The following SVOP variants were observed in gnomAD, a reference collection of about 807,000 sequenced individuals.
SVOP encodes synaptic vesicle 2-related protein.
SVOP carries 17 observed loss-of-function variants against 69.1 expected under a neutral mutation model. The ratio of observed to expected loss-of-function variants is 0.25; its 90% CI spans 0.17 to 0.37. The LOEUF is 0.37. Ranked by LOEUF, SVOP falls within the 10% of genes least tolerant of loss-of-function variation. The pLI is 1.00. For missense variants in SVOP, 435 were observed against 597.5 expected (o/e 0.73, Z 2.84); for synonymous variants, 238 against 238.6 (o/e 1.00, Z 0.02).
intron 6 of SVOP, among the ~76,000 whole-genome samples, chr12:108,955,284 C>T (rs1246399273): frequency 6.6e-6 from 1 of 152,188 alleles, no homozygotes; most frequent in Non-Finnish European, 1.5e-5. Flanking sequence ...TTCCTTCCAG[C>T]CACGAGGGGA....
chr12:108,968,114 T>C (rs1254059092), intron 5 of SVOP, among the ~76,000 whole-genome samples: 1 of 152,176 alleles, frequency 6.6e-6, no homozygotes, highest in East Asian at 1.9e-4. Context: ...CTGGAGAGGA[T>C]AAGGCAGTTG....
chr12:108,938,606 AT>A (rs2137404600), intron 9 of SVOP, among the ~76,000 whole-genome samples: 1 of 152,318 alleles, frequency 6.6e-6, no homozygotes, highest in South Asian at 2.1e-4. Context: ...TCCAGGAAGC[AT>A]TTTTAGAACT....
chr12:109,019,381 C>T (rs1048925202), intron 1 of SVOP, among the ~76,000 whole-genome samples: 1 of 152,004 alleles, frequency 6.6e-6, no homozygotes, highest in African/African-American at 2.4e-5. Flanking sequence ...AGTTCATATA[C>T]ACATGAATCT....
At chr12:108,969,479 C>T (rs1289589350) in intron 5 of SVOP, among the ~76,000 whole-genome samples, 3 of 151,646 alleles carry the variant, frequency 2.0e-5, no homozygotes, top group Non-Finnish European at 4.4e-5. Flanking sequence ...AGGCATGCGC[C>T]ACCATGCCTG....
chr12:108,936,569 G>A (rs904389340), intron 10 of SVOP, among the ~76,000 whole-genome samples: 2 of 152,020 alleles, frequency 1.3e-5, no homozygotes, highest in African/African-American at 2.4e-5. Context: ...TCAACCTCCT[G>A]GGCTCAAGTG....
In SVOP at chr12:108,912,557, G is replaced by C; in HGVS notation, c.1625C>G (p.Ser542Trp). 9 of 1,613,752 alleles carry C rather than the reference G, an allele frequency of 5.6e-6. No homozygotes were observed. The highest frequency in any genetic ancestry group is 1.7e-5 in the Admixed American group (1 of 60,008). Residue 542 changes from serine to tryptophan, a missense_variant, in exon 16 of 16, where the codon TCG becomes TGG. By Grantham distance (177) the Ser-to-Trp change is radical (BLOSUM62 -3). Transcript: ENST00000610966. ...TCACTATTCCTGAGAGCCAGAGTTCGACCTGGTAACACCTGCACCGTGCAT... is the reference window on the plus strand; with the variant it reads ...TCACTATTCCTGAGAGCCAGAGTTCCACCTGGTAACACCTGCACCGTGCAT... Reference protein sequence around the residue: ...RGMHGAGVTRSNSGSQE With the variant: ...RGMHGAGVTRWNSGSQE
chr12:108,926,410 A>G (rs575579936), intron 11 of SVOP: 5 of 152,276 alleles, frequency 3.3e-5, no homozygotes, highest in Admixed American at 6.5e-5. Flanking sequence ...GTGTACTGGT[A>G]CCATATTTTC....
chr12:108,933,423 A>T (rs899676699), intron 11 of SVOP, among the ~76,000 whole-genome samples: 4 of 151,924 alleles, frequency 2.6e-5, no homozygotes, highest in Admixed American at 2.6e-4. Context: ...CACACCTGTA[A>T]TCCCAGCACT....
intron 6 of SVOP, among the ~76,000 whole-genome samples, chr12:108,959,697 A>AC (rs970460165): frequency 1.3e-5 from 2 of 152,154 alleles, no homozygotes; most frequent in African/African-American, 4.8e-5. Context: ...GACCAACCAG[A>AC]CAATTAGCCT....
intron 1 of SVOP, among the ~76,000 whole-genome samples, chr12:108,989,308 C>A (rs540759537): frequency 6.6e-6 from 1 of 152,192 alleles, no homozygotes; most frequent in African/African-American, 2.4e-5. Context: ...CTCTTGGCCT[C>A]AAGCCATCCT....
At chr12:108,970,677 C>G (rs1049797247) in intron 5 of SVOP, among the ~76,000 whole-genome samples, 2 of 152,198 alleles carry the variant, frequency 1.3e-5, no homozygotes, top group African/African-American at 4.8e-5. Flanking sequence ...ATGCTACACT[C>G]GGAATTTCAG....
At position 108,977,393 on chromosome 12, in the gene SVOP, C is replaced by G; in HGVS notation, c.381+5G>C. On this transcript the variant is annotated splice_donor_5th_base_variant and intron_variant, in intron 4 of 15. Coordinates refer to ENST00000610966, the MANE Select transcript of SVOP (RefSeq NM_018711.5). ...GCAACAGAAGGGAGCTGCTGGGCTG[C>G]CTACCGAGGTCAGCAATGCCACCTG... The G allele has an allele frequency of 6.5e-7, 1 of 1,536,946 alleles. No individual in the cohort carries two copies. Among genetic ancestry groups the G allele is most frequent in the Non-Finnish European group, 8.7e-7 (1 of 1,146,826 alleles).
intron 1 of SVOP, among the ~76,000 whole-genome samples, chr12:109,018,549 G>A (rs1187246673): frequency 4.6e-5 from 7 of 151,980 alleles, no homozygotes; most frequent in Non-Finnish European, 8.8e-5. Flanking sequence ...TATTGCTCTC[G>A]GGAAATCTGC....
rs554666376 is a variant in SVOP at position 108,995,472 on chromosome 12, C to T, written c.36-11711G>A. 2.0e-5 allele frequency among the ~76,000 whole-genome samples: 3 copies of T among 151,936 alleles called. No homozygotes were observed. The South Asian group carries it at 6.2e-4, about 32-fold the overall frequency. On this transcript the variant is annotated intron_variant, in intron 1 of 15. Transcript: ENST00000610966. ...CACTTACATTCACAGATGTAGAAAGCAGGATAGTGGTTACCAGGGGCTGGG... is the reference window on the plus strand; with the variant it reads ...CACTTACATTCACAGATGTAGAAAGTAGGATAGTGGTTACCAGGGGCTGGG...
Position 108,938,942 on chromosome 12 carries a change from C to T in SVOP, c.782G>A (p.Ser261Asn). ...FAVLCFWLPE[S>N]ARYDVLSGNQ... ...CCCTGACAGCACATCATACCTTGCACTTTCAGGCAGCCACTGGGATGGGGG... is the reference window on the plus strand; with the variant it reads ...CCCTGACAGCACATCATACCTTGCATTTTCAGGCAGCCACTGGGATGGGGG... The change falls in exon 9 of 16, where the codon AGT (serine) becomes AAT (asparagine). Residue 261 changes from serine (S) to asparagine (N), a missense_variant. Transcript: ENST00000610966. 6.2e-7 allele frequency: 1 copy of T among 1,614,016 alleles called. No homozygotes were observed. Among genetic ancestry groups the T allele is most frequent in the Non-Finnish European group, 8.5e-7 (1 of 1,179,880 alleles).
chr12:108,961,062 G>C lies in SVOP; in HGVS notation c.454-15C>G, dbSNP rs1405666854. The C allele has an allele frequency of 8.5e-6, 13 of 1,532,982 alleles. No homozygotes were observed. Among genetic ancestry groups the C allele is most frequent in the African/African-American group, 1.4e-5 (1 of 72,918 alleles). The allele number at this position is 1,532,982 out of a possible 1,614,324, so 95.0% of individuals were successfully genotyped here. A position where few individuals can be genotyped will look rare whatever the true frequency, so the allele number is the denominator to read the frequency against. ...ATCTTCAGCCCCTGAAGAGAAGGAAGACACGGAATCACAAGGGCTTTTCAG... is the reference window on the plus strand; with the variant it reads ...ATCTTCAGCCCCTGAAGAGAAGGAACACACGGAATCACAAGGGCTTTTCAG... On this transcript the variant is annotated splice_polypyrimidine_tract_variant and intron_variant, in intron 5 of 15. Transcript: ENST00000610966.
intron 1 of SVOP, among the ~76,000 whole-genome samples, chr12:109,017,707 A>AT (rs1035408441): frequency 2.0e-5 from 3 of 151,414 alleles, no homozygotes; most frequent in African/African-American, 2.4e-5. Flanking sequence ...TGCCTGACTA[A>AT]TTTTTTTTGT....
At chr12:108,945,552 T>C (rs1385812791) in intron 6 of SVOP, among the ~76,000 whole-genome samples, 1 of 151,900 alleles carries the variant, frequency 6.6e-6, no homozygotes, top group East Asian at 1.9e-4. Flanking sequence ...CCACCACTCC[T>C]GGCTAATTAT....
intron 10 of SVOP, chr12:108,937,013 G>A (rs747577138): frequency 6.4e-6 from 3 of 467,772 alleles, no homozygotes; most frequent in Non-Finnish European, 7.8e-6. Context: ...AGTAAGCTAG[G>A]AGAGCGCCAC....
Sources: allele counts gnomAD v4.1 joint callset (sites outside exome capture counted in the v4.1 genomes callset), GRCh38; gene constraint gnomAD v4.1.1; transcripts MANE v1.5; gene names NCBI Gene and HGNC (gene_info 2026-07-23, HGNC 2026-07-21).